HECW2: variants seen among roughly 807,000 people sequenced by gnomAD.
HECW2 encodes HECT, C2 and WW domain containing E3 ubiquitin protein ligase 2.
A neutral mutation model predicts 175.2 loss-of-function variants in HECW2; 61 were observed. The observed-to-expected ratio is 0.35, with a 90% confidence interval of 0.28 to 0.43. The LOEUF (loss-of-function observed/expected upper bound fraction) is 0.43. HECW2 is among the 20% of genes least tolerant of loss of function. The pLI is 1.00. For synonymous variants in HECW2, 671 were observed against 731.0 expected, an observed-to-expected ratio of 0.92 and a Z score of 1.32; for missense variants, 1,524 against 2,000.5, an observed-to-expected ratio of 0.76 and a Z score of 4.54.
intron 2 of HECW2, among the ~76,000 whole-genome samples, chr2:196,363,711 C>A (rs549406968): frequency 6.6e-6 from 1 of 152,304 alleles, no homozygotes; most frequent in South Asian, 2.1e-4. Flanking sequence ...GTAGTGCCAG[C>A]TACTCGGGAG....
At chr2:196,307,594 C>A (rs535770524) in intron 11 of HECW2, among the ~76,000 whole-genome samples, 1 of 152,140 alleles carries the variant, frequency 6.6e-6, no homozygotes, top group African/African-American at 2.4e-5. Context: ...TAATGAGAAG[C>A]CACAAATAAA....
At chr2:196,305,067 G>A (rs1336228686) in intron 13 of HECW2, among the ~76,000 whole-genome samples, 1 of 152,156 alleles carries the variant, frequency 6.6e-6, no homozygotes, top group Non-Finnish European at 1.5e-5. Flanking sequence ...TCCCTTTGGA[G>A]TTAATCGTCC....
At chr2:196,541,990 A>G (rs114663720) in intron 1 of HECW2, among the ~76,000 whole-genome samples, 1,905 of 152,166 alleles carry the variant, frequency 0.013, 40 homozygotes, top group African/African-American at 0.044. Context: ...GGTGCCAGGC[A>G]CGGTGGCTCA....
At chr2:196,493,581 G>A (rs1687276680) in intron 1 of HECW2, among the ~76,000 whole-genome samples, 1 of 152,252 alleles carries the variant, frequency 6.6e-6, no homozygotes, top group South Asian at 2.1e-4. Context: ...AAATGAATAA[G>A]TAGACTGATT....
intron 28 of HECW2, among the ~76,000 whole-genome samples, chr2:196,202,403 T>A (rs1200198997): frequency 6.6e-6 from 1 of 152,172 alleles, no homozygotes; most frequent in Non-Finnish European, 1.5e-5. Context: ...GTTGGACATA[T>A]TTGGGTTTGG....
At chr2:196,491,735 T>C (rs992648056) in intron 1 of HECW2, among the ~76,000 whole-genome samples, 1 of 152,004 alleles carries the variant, frequency 6.6e-6, no homozygotes, top group African/African-American at 2.4e-5. Context: ...TTTCAAGATG[T>C]TGTCAGATAG....
intron 2 of HECW2, among the ~76,000 whole-genome samples, chr2:196,389,077 T>G (rs1694432605): frequency 6.6e-6 from 1 of 152,228 alleles, no homozygotes; most frequent in Admixed American, 6.5e-5. Context: ...CAATTGTGAC[T>G]GAAGTGCGAT....
At chr2:196,255,786 T>C (rs555286143) in intron 18 of HECW2, among the ~76,000 whole-genome samples, 1 of 152,224 alleles carries the variant, frequency 6.6e-6, no homozygotes, top group East Asian at 1.9e-4. Flanking sequence ...AAATAAAAAA[T>C]AAAGGGCTGA....
At chr2:196,378,727 A>G (rs149178917) in intron 2 of HECW2, among the ~76,000 whole-genome samples, 2 of 152,360 alleles carry the variant, frequency 1.3e-5, no homozygotes, top group Admixed American at 1.3e-4. Flanking sequence ...TAAGAATTCC[A>G]GGAAATAAGT....
At chr2:196,577,164 A>T (rs1382563194) in intron 1 of HECW2, among the ~76,000 whole-genome samples, 1 of 152,204 alleles carries the variant, frequency 6.6e-6, no homozygotes, top group Non-Finnish European at 1.5e-5. Flanking sequence ...TTCCAGGTTC[A>T]TATACACCAC....
intron 3 of HECW2, among the ~76,000 whole-genome samples, chr2:196,339,186 G>T (rs923307142): frequency 6.6e-6 from 1 of 152,138 alleles, no homozygotes. Flanking sequence ...AGGGGACTTA[G>T]GAATGGTGAA....
intron 2 of HECW2, among the ~76,000 whole-genome samples, chr2:196,378,388 G>C (rs1694109440): frequency 6.6e-6 from 1 of 152,038 alleles, no homozygotes; most frequent in African/African-American, 2.4e-5. Flanking sequence ...GAGATACCAG[G>C]GATAAAATAT....
chr2:196,323,683 C>T (rs552090059), intron 6 of HECW2, among the ~76,000 whole-genome samples: 2 of 152,318 alleles, frequency 1.3e-5, no homozygotes, highest in South Asian at 4.1e-4. Flanking sequence ...TTCTTAATCA[C>T]CAAAATGAAG....
chr2:196,278,133 A>AAAAAATATATAT lies in HECW2; in HGVS notation c.3135+394_3135+395insATATATATTTTT, dbSNP rs531920307. ...CCTAGAACTTAAAGTATAATTAAAA[A>AAAAAATATATAT]ATATATATATATATATATAAAGAAA... On this transcript the variant is annotated intron_variant, in intron 15 of 28. Coordinates refer to ENST00000644978, the MANE Select transcript of HECW2 (RefSeq NM_001348768.2). Among the ~76,000 whole-genome samples the AAAAAATATATAT allele has an allele frequency of 4.5e-5, 3 of 66,552 alleles. 1 individual carries two copies. Among genetic ancestry groups the AAAAAATATATAT allele is most frequent in the Non-Finnish European group, 6.6e-5 (2 of 30,298 alleles). 43.7% of individuals were successfully genotyped at this position (66,552 alleles called of 152,430 possible).
intron 2 of HECW2, among the ~76,000 whole-genome samples, chr2:196,374,858 G>T (rs1242247291): frequency 6.6e-6 from 1 of 150,994 alleles, no homozygotes; most frequent in Non-Finnish European, 1.5e-5. Flanking sequence ...AAGAAGCAAA[G>T]ACGGCACATG....
intron 2 of HECW2, among the ~76,000 whole-genome samples, chr2:196,362,880 ATCTC>A (rs1461921032): frequency 6.6e-6 from 1 of 152,200 alleles, no homozygotes. Context: ...CTATAAGACC[ATCTC>A]TCTCCAGCAA....
At chr2:196,556,920 T>C (rs1030777856) in intron 1 of HECW2, among the ~76,000 whole-genome samples, 1 of 152,208 alleles carries the variant, frequency 6.6e-6, no homozygotes, top group Non-Finnish European at 1.5e-5. Flanking sequence ...TAAGAGTTGA[T>C]AGCCTTAAAA....
At position 196,200,497 on chromosome 2, in the gene HECW2, A is replaced by G. The variant is rs4850680; in HGVS notation, c.*780T>C. 81,634 of 152,500 alleles carry G rather than the reference A, an allele frequency of 0.54. 24,229 individuals are homozygous for G. Among genetic ancestry groups the G allele is most frequent in the East Asian group, 0.84 (4,347 of 5,180 alleles). The allele number at this position is 152,500 out of a possible 1,614,324, so 9.4% of individuals were successfully genotyped here. ...ATCTTAAAGAACATAAACATAATGA[A>G]CCTACAAAAAATAAACAGAACTCAC... is the stretch of plus-strand genomic sequence containing the variant. On this transcript the variant is annotated 3_prime_UTR_variant, in exon 29 of 29. Coordinates refer to ENST00000644978, the MANE Select transcript of HECW2 (RefSeq NM_001348768.2).
chr2:196,499,361 G>A (rs571642998), intron 1 of HECW2, among the ~76,000 whole-genome samples: 14 of 149,990 alleles, frequency 9.3e-5, no homozygotes, highest in Middle Eastern at 7.2e-3. Flanking sequence ...GAAAGTATTC[G>A]TTCTACTGGA....
Sources: allele counts gnomAD v4.1 joint callset (sites outside exome capture counted in the v4.1 genomes callset), GRCh38; gene constraint gnomAD v4.1.1; transcripts MANE v1.5; gene names NCBI Gene and HGNC (gene_info 2026-07-23, HGNC 2026-07-21).